The following CLN6 variants were observed in gnomAD, a reference collection of about 807,000 sequenced individuals.
CLN6 encodes the protein CLN6 transmembrane ER protein, also known as ceroid-lipofuscinosis neuronal protein 6.
CLN6 carries 22 observed loss-of-function variants against 33.3 expected under a neutral mutation model. That is an observed-to-expected ratio of 0.66 (90% CI 0.47 to 0.94). The LOEUF is 0.94. Among genes scored for constraint, CLN6 ranks in the 40% least tolerant of loss-of-function variants. The pLI is 0.00. For missense variants in CLN6, 387 were observed against 417.1 expected, an observed-to-expected ratio of 0.93 and a Z score of 0.63; for synonymous variants, 201 against 174.6, an observed-to-expected ratio of 1.15 and a Z score of -1.19.
In CLN6 at chr15:68,256,661, T is replaced by C. The variant is rs1230782686; in HGVS notation, c.179+29A>G. ...CAGAAGGGCTTCGCCCTTGGTTTAA[T>C]GCGCTGCTCTCATTGCCTTGAAACT... On this transcript the variant is annotated intron_variant, in intron 1 of 6. Transcript: ENST00000538696. The surrounding 1 kb of genome is among the most constrained non-coding windows in gnomAD (Gnocchi z 4.1). 1.6e-6 allele frequency: 1 copy of C among 617,342 alleles called. No homozygotes were observed. Among genetic ancestry groups the C allele is most frequent in the East Asian group, 2.8e-5 (1 of 36,278 alleles). The allele number at this position is 617,342 out of a possible 1,614,324, so 38.2% of individuals were successfully genotyped here. A position where few individuals can be genotyped will look rare whatever the true frequency, so the allele number is the denominator to read the frequency against.
chr15:68,211,415 A>C lies in CLN6; in HGVS notation c.487-97T>G. 6.5e-7 allele frequency: 1 copy of C among 1,540,170 alleles called. No individual in the cohort carries two copies. Among genetic ancestry groups the C allele is most frequent in the South Asian group, 1.1e-5 (1 of 89,388 alleles). On this transcript the variant is annotated intron_variant, in intron 4 of 6. Transcript: ENST00000249806. The surrounding 1 kb of genome is among the most constrained non-coding windows in gnomAD (Gnocchi z 5.9). ...CATCCCCTCTGACCACCCTTCTCCCAGTCCCAGGCCTCCCCCACTGCCTTA... is the reference window on the plus strand; with the variant it reads ...CATCCCCTCTGACCACCCTTCTCCCCGTCCCAGGCCTCCCCCACTGCCTTA...
rs1424397543 is a variant in CLN6 at position 68,219,206 on chromosome 15, T to G, written c.84-556A>C. 6.6e-6 allele frequency among the ~76,000 whole-genome samples: 1 copy of G among 152,194 alleles called. No individual in the cohort carries two copies. The highest frequency in any genetic ancestry group is 1.5e-5 in the Non-Finnish European group (1 of 68,028). ...CCAAATGATTGGGCTCCTGAGCTTATACTTTTAACCTCCATCCCATAGTTG... is the reference window on the plus strand; with the variant it reads ...CCAAATGATTGGGCTCCTGAGCTTAGACTTTTAACCTCCATCCCATAGTTG... On this transcript the variant is annotated intron_variant, in intron 1 of 6. Transcript: ENST00000249806. The surrounding 1 kb of genome is among the most constrained non-coding windows in gnomAD (Gnocchi z 4.2).
In CLN6 at chr15:68,208,298, G is replaced by A; in HGVS notation, c.778C>T (p.Leu260Phe). 6.2e-7 allele frequency: 1 copy of A among 1,614,178 alleles called. No individual in the cohort carries two copies. The highest frequency in any genetic ancestry group is 8.5e-7 in the Non-Finnish European group (1 of 1,180,046). The change falls in exon 7 of 7, where the codon CTC (leucine) becomes TTC (phenylalanine). Residue 260 changes from leucine (L) to phenylalanine (F), a missense_variant. Transcript: ENST00000249806. The surrounding 1 kb of genome is among the most constrained non-coding windows in gnomAD (Gnocchi z 5.8). ...AGTGCGAAGGAGGAGAAGAGGAAGA[G>A]GCCGTTGCTGTCCAGGAAGAGGCGC... ...RKRLFLDSNG[L>F]FLFSSFALTL...
In CLN6 at chr15:68,219,819, A is replaced by G. The variant is rs567777748; in HGVS notation, c.84-1169T>C. Among the ~76,000 whole-genome samples the G allele has an allele frequency of 6.6e-6, 1 of 152,272 alleles. No homozygotes were observed. The highest frequency in any genetic ancestry group is 2.4e-5 in the African/African-American group (1 of 41,550). On this transcript the variant is annotated intron_variant, in intron 1 of 6. Coordinates refer to ENST00000249806, the MANE Select transcript of CLN6 (RefSeq NM_017882.3). The surrounding 1 kb of genome is among the most constrained non-coding windows in gnomAD (Gnocchi z 4.2). ...AGGGACAAGCAGCCAGCCACATCCT[A>G]AGAGGACTGAGGTGTGGGTTTCATC...
Position 68,219,948 on chromosome 15 carries a change from A to C in CLN6, c.84-1298T>G, listed in dbSNP as rs746788530. Among the ~76,000 whole-genome samples the C allele has an allele frequency of 3.3e-5, 5 of 152,338 alleles. No individual in the cohort carries two copies. The highest frequency in any genetic ancestry group is 4.8e-5 in the African/African-American group (2 of 41,574). ...ATGCTCAGCAACTACTGGCTGATTA[A>C]AACAGTCACAACGACCAGTTACTCC... On this transcript the variant is annotated intron_variant, in intron 1 of 6. Transcript: ENST00000249806. The surrounding 1 kb of genome is among the most constrained non-coding windows in gnomAD (Gnocchi z 4.2).
intron 1 of CLN6, among the ~76,000 whole-genome samples, chr15:68,240,850 G>A (rs1220855477): frequency 4.0e-5 from 6 of 151,840 alleles, no homozygotes; most frequent in Non-Finnish European, 5.9e-5. Context: ...TGGGCGTGGC[G>A]GTGGGTGCCT....
chr15:68,225,675 T>G (rs140171316), intron 1 of CLN6, among the ~76,000 whole-genome samples: 153 of 152,308 alleles, frequency 1.0e-3, no homozygotes, highest in Non-Finnish European at 1.9e-3. Flanking sequence ...TTTCCTTTTT[T>G]CTAAAAGGAA....
chr15:68,209,998 G>A lies in CLN6; in HGVS notation c.543-239C>T, dbSNP rs987909159. Reference sequence around the variant, plus strand: ...TCAGAGGCCCAGAGGCATCCACACCGCCCAGGGCACCTCACTCACTCCGTG... The same window carrying A: ...TCAGAGGCCCAGAGGCATCCACACCACCCAGGGCACCTCACTCACTCCGTG... On this transcript the variant is annotated intron_variant, in intron 5 of 6. Transcript: ENST00000249806. This position sits in a 1 kb window ranked among gnomAD's most constrained non-coding sequence, Gnocchi z 4.9. 6.6e-6 allele frequency among the ~76,000 whole-genome samples: 1 copy of A among 152,110 alleles called. No individual in the cohort carries two copies. Among genetic ancestry groups the A allele is most frequent in the Non-Finnish European group, 1.5e-5 (1 of 68,008 alleles).
intron 1 of CLN6, among the ~76,000 whole-genome samples, chr15:68,255,102 T>C (rs7182982): frequency 0.93 from 141,426 of 152,238 alleles, 66,587 homozygotes; most frequent in Non-Finnish European, 1. Flanking sequence ...GCTAGGTTGA[T>C]GTGGGGAAAA....
intron 1 of CLN6, among the ~76,000 whole-genome samples, chr15:68,251,980 T>C (rs1892384099): frequency 6.9e-6 from 1 of 145,054 alleles, no homozygotes; most frequent in Non-Finnish European, 1.5e-5. Context: ...TTTTTTTTTT[T>C]TTTTTTTTTT....
At chr15:68,217,291 G>T (rs1312197129) in intron 2 of CLN6, among the ~76,000 whole-genome samples, 1 of 152,162 alleles carries the variant, frequency 6.6e-6, no homozygotes, top group African/African-American at 2.4e-5. Context: ...GAGTGCAGCG[G>T]TGTGATCACG....
In CLN6 at chr15:68,211,459, G is replaced by A. The variant is rs960897027; in HGVS notation, c.487-141C>T. ...TGCCTTATTCCCTACCCGGGGCCTCGCCTTCTGTTACAGGGGCCCAGGTGG... is the reference window on the plus strand; with the variant it reads ...TGCCTTATTCCCTACCCGGGGCCTCACCTTCTGTTACAGGGGCCCAGGTGG... On this transcript the variant is annotated intron_variant, in intron 4 of 6. Transcript: ENST00000249806. This position sits in a 1 kb window ranked among gnomAD's most constrained non-coding sequence, Gnocchi z 5.9. 9.2e-6 allele frequency: 14 copies of A among 1,525,324 alleles called. No homozygotes were observed. Among genetic ancestry groups the A allele is most frequent in the African/African-American group, 5.5e-5 (4 of 73,066 alleles). 94.5% of individuals were successfully genotyped at this position (1,525,324 alleles called of 1,614,324 possible).
Position 68,214,291 on chromosome 15 carries a change from T to C in CLN6, c.296A>G (p.Lys99Arg), listed in dbSNP as rs146782642. 7.4e-6 allele frequency: 12 copies of C among 1,611,316 alleles called. No homozygotes were observed. The highest frequency in any genetic ancestry group is 1.3e-5 in the African/African-American group (1 of 74,860). ...AGAGTGGGGGCCCTGGGACAGTACCTTGAGCAAGAGAAAGGGCGTGATGAC... is the reference window on the plus strand; with the variant it reads ...AGAGTGGGGGCCCTGGGACAGTACCCTGAGCAAGAGAAAGGGCGTGATGAC... ...YNVITPFLLL[K>R]LIERSPRTLP... The change falls in exon 3 of 7, where the codon AAG becomes AGG. Residue 99 changes from lysine (K) to arginine (R), a missense_variant and splice_region_variant. Lys to Arg is a conservative substitution (Grantham distance 26, BLOSUM62 2). Coordinates refer to ENST00000249806, the MANE Select transcript of CLN6 (RefSeq NM_017882.3).
At position 68,218,607 on chromosome 15, in the gene CLN6, A is replaced by C; in HGVS notation, c.127T>G (p.Phe43Val). Residue 43 changes from phenylalanine (F) to valine (V), a missense_variant, in exon 2 of 7, where the codon TTC becomes GTC. Phe to Val is a conservative substitution (Grantham distance 50). Coordinates refer to ENST00000249806, the MANE Select transcript of CLN6 (RefSeq NM_017882.3). ...AAGTAGAACCAGAGGTCGAGGTGGA[A>C]GGGAGCCGTGCGGGCAGCCTCATCA... ...SADEAARTAP[F>V]HLDLWFYFTL... 6.2e-7 allele frequency: 1 copy of C among 1,613,978 alleles called. No homozygotes were observed. The highest frequency in any genetic ancestry group is 1.1e-5 in the South Asian group (1 of 91,068).
At chr15:68,214,447 C>G (rs1256665103) in intron 2 of CLN6, 59 bp from the exon 3 acceptor site, 13 of 1,298,536 alleles carry the variant, frequency 1.0e-5, no homozygotes, top group Non-Finnish European at 1.5e-5. Context: ...GCCCTCGGGC[C>G]TCAAGGGAGT....
At position 68,256,587 on chromosome 15, in the gene CLN6, T is replaced by C. The variant is rs917927317; in HGVS notation, c.179+103A>G. On this transcript the variant is annotated intron_variant, in intron 1 of 6. Coordinates refer to the CLN6 transcript ENST00000538696. This position sits in a 1 kb window ranked among gnomAD's most constrained non-coding sequence, Gnocchi z 4.1. ...ACTCTCTTTGGGATCCCCACACACG[T>C]GGCTGGCTTCAGGGGTGTGGGCAGT... The C allele has an allele frequency of 1.8e-6, 1 of 554,280 alleles. No individual in the cohort carries two copies. The highest frequency in any genetic ancestry group is 3.2e-6 in the Non-Finnish European group (1 of 309,518). The allele number at this position is 554,280 out of a possible 1,614,324, so 34.3% of individuals were successfully genotyped here.
At chr15:68,249,382 T>C (rs1433420492) in intron 1 of CLN6, among the ~76,000 whole-genome samples, 5 of 152,266 alleles carry the variant, frequency 3.3e-5, no homozygotes, top group Admixed American at 6.5e-5. Flanking sequence ...CCATGTTTGC[T>C]GCAGCACTAT....
chr15:68,238,219 C>A (rs1333695001), intron 1 of CLN6, among the ~76,000 whole-genome samples: 1 of 150,042 alleles, frequency 6.7e-6, no homozygotes, highest in African/African-American at 2.5e-5. Flanking sequence ...TCCTGGGCAA[C>A]ATGGTGAAAC....
rs74020079 is a variant in CLN6 at position 68,211,458 on chromosome 15, C to G, written c.487-140G>C. 1 of 1,529,516 alleles carries G rather than the reference C, an allele frequency of 6.5e-7. No homozygotes were observed. The highest frequency in any genetic ancestry group is 8.9e-7 in the Non-Finnish European group (1 of 1,118,442). The allele number at this position is 1,529,516 out of a possible 1,614,324, so 94.7% of individuals were successfully genotyped here. On this transcript the variant is annotated intron_variant, in intron 4 of 6. Coordinates refer to ENST00000249806, the MANE Select transcript of CLN6 (RefSeq NM_017882.3). This position sits in a 1 kb window ranked among gnomAD's most constrained non-coding sequence, Gnocchi z 5.9. ...CTGCCTTATTCCCTACCCGGGGCCT[C>G]GCCTTCTGTTACAGGGGCCCAGGTG...
Sources: allele counts gnomAD v4.1 joint callset (sites outside exome capture counted in the v4.1 genomes callset), GRCh38; gene constraint gnomAD v4.1.1; non-coding constraint Gnocchi (gnomAD v3.1); transcripts MANE v1.5; gene names NCBI Gene and HGNC (gene_info 2026-07-23, HGNC 2026-07-21).